C10orf67: variants seen among roughly 807,000 people sequenced by gnomAD.
C10orf67 encodes uncharacterized protein C10orf67, mitochondrial.
In C10orf67, 60 loss-of-function variants were observed where a neutral mutation model predicts 35.6. The ratio of observed to expected loss-of-function variants is 1.68; its 90% confidence interval spans 1.37 to 2.09. The LOEUF (loss-of-function observed/expected upper bound fraction) is 2.09. C10orf67 is among the 30% of genes most tolerant of loss of function. C10orf67 has a pLI of 0.00. For missense variants in C10orf67, 474 were observed against 330.2 expected (o/e 1.44, Z -3.38); for synonymous variants, 167 against 115.8 (o/e 1.44, Z -2.84).
intron 13 of C10orf67, among the ~76,000 whole-genome samples, chr10:23,237,680 A>G (rs1842083443): frequency 6.6e-6 from 1 of 152,244 alleles, no homozygotes; most frequent in Non-Finnish European, 1.5e-5. Flanking sequence ...GGCCAGACAT[A>G]GCAAAGTATA....
intron 15 of C10orf67, among the ~76,000 whole-genome samples, chr10:23,214,061 C>A (rs984313070): frequency 6.6e-6 from 1 of 151,322 alleles, no homozygotes; most frequent in South Asian, 2.1e-4. Flanking sequence ...ATATAAGATA[C>A]AATAGAATTT....
chr10:23,256,327 T>C (rs909242323), intron 10 of C10orf67, among the ~76,000 whole-genome samples: 2 of 152,122 alleles, frequency 1.3e-5, no homozygotes, highest in Non-Finnish European at 1.5e-5. Context: ...ATTTAAAAAA[T>C]TGAGACTCCT....
intron 15 of C10orf67, among the ~76,000 whole-genome samples, chr10:23,219,045 C>A (rs924050271): frequency 2.0e-5 from 3 of 152,126 alleles, no homozygotes; most frequent in Admixed American, 2.0e-4. Flanking sequence ...ATATTTATTT[C>A]TATAAATCAG....
chr10:23,248,639 C>T (rs1323350694), intron 12 of C10orf67, among the ~76,000 whole-genome samples: 1 of 152,048 alleles, frequency 6.6e-6, no homozygotes, highest in Non-Finnish European at 1.5e-5. Flanking sequence ...CATGTTAGCC[C>T]ATGTAAGTCT....
intron 7 of C10orf67, among the ~76,000 whole-genome samples, chr10:23,287,182 A>G (rs1235719996): frequency 6.6e-6 from 1 of 152,242 alleles, no homozygotes; most frequent in African/African-American, 2.4e-5. Context: ...ATCCTAAGCA[A>G]AAAGAACAAA....
At position 23,290,059 on chromosome 10, in the gene C10orf67, A is replaced by G. The variant is rs982294279; in HGVS notation, c.851-101T>C. On this transcript the variant is annotated intron_variant, in intron 6 of 15. Coordinates refer to ENST00000636213, the MANE Select transcript of C10orf67 (RefSeq NM_001371909.1). ...GGCAGGCTGTGGGGCACTAGCAGGC[A>G]TAGTGGACACAAGGCCTAGCAGGAC... is the stretch of plus-strand genomic sequence containing the variant. The G allele has an allele frequency of 7.5e-6, 5 of 666,956 alleles. No homozygotes were observed. The East Asian group carries it at 1.1e-4, about 15-fold the overall frequency. 41.3% of individuals were successfully genotyped at this position (666,956 alleles called of 1,614,324 possible).
intron 5 of C10orf67, among the ~76,000 whole-genome samples, chr10:23,302,573 A>C (rs1017513827): frequency 6.6e-6 from 1 of 152,190 alleles, no homozygotes; most frequent in Non-Finnish European, 1.5e-5. Flanking sequence ...TCAAACAATC[A>C]GCTTCTTGTT....
At chr10:23,316,479 T>C in intron 4 of C10orf67, among the ~76,000 whole-genome samples, 1 of 152,150 alleles carries the variant, frequency 6.6e-6, no homozygotes, top group East Asian at 1.9e-4. Flanking sequence ...GAGCGAGGGG[T>C]GTGTTTCAGC....
chr10:23,210,836 T>A (rs905181837), intron 15 of C10orf67, among the ~76,000 whole-genome samples: 2 of 152,216 alleles, frequency 1.3e-5, no homozygotes, highest in Non-Finnish European at 2.9e-5. Context: ...GAACATATGT[T>A]GAAGCTTCAA....
intron 3 of C10orf67, 39 bp downstream of exon 3, chr10:23,322,355 T>C (rs761363247): frequency 6.3e-7 from 1 of 1,589,358 alleles, no homozygotes. Flanking sequence ...AAGCACAGTA[T>C]CAATCCACAT....
intron 8 of C10orf67, among the ~76,000 whole-genome samples, chr10:23,278,645 C>T (rs989829615): frequency 3.9e-5 from 6 of 152,098 alleles, no homozygotes; most frequent in Admixed American, 2.6e-4. Flanking sequence ...CTCTTCCAGG[C>T]AAGGGAAGTC....
intron 5 of C10orf67, among the ~76,000 whole-genome samples, chr10:23,302,308 T>TTAC (rs1844106484): frequency 6.6e-6 from 1 of 152,116 alleles, no homozygotes; most frequent in Admixed American, 6.6e-5. Context: ...CCTTTAATTC[T>TTAC]TACTGTAGAG....
At chr10:23,262,137 A>G (rs1223602917) in intron 10 of C10orf67, among the ~76,000 whole-genome samples, 2 of 152,132 alleles carry the variant, frequency 1.3e-5, no homozygotes, top group African/African-American at 4.8e-5. Context: ...GATGTAATAC[A>G]CCAGGCAGCA....
intron 8 of C10orf67, among the ~76,000 whole-genome samples, chr10:23,271,398 T>G (rs1415048765): frequency 6.6e-6 from 1 of 152,256 alleles, no homozygotes; most frequent in Admixed American, 6.5e-5. Flanking sequence ...CAAGACTTTG[T>G]GTGAACATGT....
At chr10:23,239,534 C>T (rs76570546) in intron 13 of C10orf67, among the ~76,000 whole-genome samples, 195 bp downstream of exon 13, 2 of 152,244 alleles carry the variant, frequency 1.3e-5, no homozygotes, top group African/African-American at 2.4e-5. Flanking sequence ...GTTTACACAT[C>T]TACCTCTCAC....
chr10:23,259,263 T>G (rs4626975), intron 10 of C10orf67, among the ~76,000 whole-genome samples: 14,816 of 152,218 alleles, frequency 0.097, 1,722 homozygotes, highest in East Asian at 0.66. Context: ...CTATTCTGTA[T>G]ATCATGCCTT....
intron 2 of C10orf67, among the ~76,000 whole-genome samples, chr10:23,324,666 G>A (rs1041846685): frequency 6.6e-6 from 1 of 152,178 alleles, no homozygotes; most frequent in African/African-American, 2.4e-5. Flanking sequence ...GAGTTGAGGA[G>A]GATTGCTTCT....
chr10:23,253,261 C>T (rs951334494), intron 10 of C10orf67, among the ~76,000 whole-genome samples: 3 of 152,144 alleles, frequency 2.0e-5, no homozygotes, highest in African/African-American at 7.2e-5. Flanking sequence ...TTCATCAGTA[C>T]GTGGGTTGAA....
rs1450898276 is a variant in C10orf67, at chr10:23,203,554, A to T, written c.*619T>A. 1.3e-5 allele frequency: 2 copies of T among 152,212 alleles called. No homozygotes were observed. Among genetic ancestry groups the T allele is most frequent in the Non-Finnish European group, 2.9e-5 (2 of 68,040 alleles). The allele number at this position is 152,212 out of a possible 1,614,324, so 9.4% of individuals were successfully genotyped here. On this transcript the variant is annotated 3_prime_UTR_variant, in exon 16 of 16. Transcript: ENST00000636213. The stretch of plus-strand genomic sequence containing the variant: ...GAAAAGCAAACCCGCCTTTTGGTAA[A>T]CGGTGTCTGGCATTCCAGCAGAATC...
Sources: gnomAD v4.1 joint callset for allele counts (sites outside exome capture counted in the v4.1 genomes callset) on GRCh38, gnomAD v4.1.1 for gene constraint, MANE v1.5 for transcripts, NCBI Gene and HGNC (gene_info 2026-07-23, HGNC 2026-07-21) for gene names.